Variants in TCF24 observed in about 807,000 individuals in gnomAD.
TCF24 encodes transcription factor 24.
Under a neutral mutation model 9.3 loss-of-function variants are expected in TCF24, and 5 were observed. That is an observed-to-expected ratio of 0.54 (90% CI 0.28 to 1.13). The LOEUF (loss-of-function observed/expected upper bound fraction) is 1.13. Ranked by LOEUF, TCF24 falls within the 50% of genes most tolerant of loss-of-function variation. The pLI, the probability that TCF24 is intolerant of heterozygous loss-of-function variation, is 0.09. For missense variants in TCF24, 220 were observed against 236.1 expected (o/e 0.93, Z 0.45); for synonymous variants, 110 against 115.8 (o/e 0.95, Z 0.32).
rs966389092 is a variant in TCF24 at position 66,961,459 on chromosome 8, G to C, written c.307C>G (p.Arg103Gly). 2.0e-6 allele frequency: 3 copies of C among 1,528,506 alleles called. No individual in the cohort carries two copies. The highest frequency in any genetic ancestry group is 4.0e-5 in the Admixed American group (2 of 50,600). 94.7% of individuals were successfully genotyped at this position (1,528,506 alleles called of 1,614,324 possible). A position where few individuals can be genotyped will look rare whatever the true frequency, so the allele number is the denominator to read the frequency against. Reference sequence around the variant, plus strand: ...GCCTCGGCGTCGTCCTGCAGGCTGCGGGTGAGATGCGCGATGTAGGTGGTG... The same window carrying C: ...GCCTCGGCGTCGTCCTGCAGGCTGCCGGTGAGATGCGCGATGTAGGTGGTG... ...LATTYIAHLT[R>G]SLQDDAEAPA... The change falls in exon 3 of 4, where the codon CGC (arginine) becomes GGC (glycine). Residue 103 changes from arginine (R) to glycine (G), a missense_variant. Transcript: ENST00000563496.
intron 3 of TCF24, among the ~76,000 whole-genome samples, chr8:66,957,111 C>CA (rs1165600722): frequency 0.21 from 3,240 of 15,634 alleles, 847 homozygotes; most frequent in Non-Finnish European, 0.31. Flanking sequence ...GACTCCGTCT[C>CA]AAAAAAAAAA....
intron 3 of TCF24, among the ~76,000 whole-genome samples, chr8:66,961,023 G>C (rs1024461471): frequency 2.2e-4 from 34 of 152,178 alleles, no homozygotes; most frequent in African/African-American, 8.2e-4. Context: ...CTCTCAGAGG[G>C]TCATACATAT....
rs1048809150 is a variant in TCF24 at position 66,961,508 on chromosome 8, G to A, written c.258C>T (p.Ser86=). 4.6e-6 allele frequency: 7 copies of A among 1,523,314 alleles called. No individual in the cohort carries two copies. The highest frequency in any genetic ancestry group is 1.4e-5 in the African/African-American group (1 of 70,732). 94.4% of individuals were successfully genotyped at this position (1,523,314 alleles called of 1,614,324 possible). ...TGGCCAGCAGCAGCACGTCCAGCTT[G>A]GACAGCTTGGTGTCGGGCGGCACGG... ...LPSVPPDTKL[S]KLDVLLLATT... is the part of the protein sequence containing the mutation. The change falls in exon 3 of 4, where the codon TCC becomes TCT. Residue 86 remains serine (S), a synonymous_variant. Transcript: ENST00000563496.
At chr8:66,960,118 C>T (rs1289393708) in intron 3 of TCF24, among the ~76,000 whole-genome samples, 1 of 152,038 alleles carries the variant, frequency 6.6e-6, no homozygotes, top group Non-Finnish European at 1.5e-5. Flanking sequence ...ATGGTATATT[C>T]GAATAGCAAT....
intron 3 of TCF24, among the ~76,000 whole-genome samples, chr8:66,952,677 C>G (rs1161971786): frequency 4.1e-5 from 6 of 147,856 alleles, no homozygotes; most frequent in African/African-American, 9.9e-5. Flanking sequence ...GTTGATCTGT[C>G]TAATGTTGAC....
chr8:66,953,330 T>G lies in TCF24; in HGVS notation c.391-5166A>C, dbSNP rs1269245662. On this transcript the variant is annotated intron_variant, in intron 3 of 3. Transcript: ENST00000563496. ...TCTCAGCATTTGCTTGTCTGTAAAG[T>G]ATTTTATTTCTCCTTCACTTATGAA... Among the ~76,000 whole-genome samples, 181 of 148,558 alleles carry G rather than the reference T, an allele frequency of 1.2e-3. 1 individual carries two copies. Among genetic ancestry groups the G allele is most frequent in the African/African-American group, 4.3e-3 (173 of 40,564 alleles).
chr8:66,946,789 A>C lies in TCF24; in HGVS notation c.*1262T>G, dbSNP rs1813970280. 6.6e-6 allele frequency: 1 copy of C among 152,248 alleles called. No homozygotes were observed. The highest frequency in any genetic ancestry group is 1.5e-5 in the Non-Finnish European group (1 of 68,026). The allele number at this position is 152,248 out of a possible 1,614,324, so 9.4% of individuals were successfully genotyped here. A position where few individuals can be genotyped will look rare whatever the true frequency, so the allele number is the denominator to read the frequency against. On this transcript the variant is annotated 3_prime_UTR_variant, in exon 4 of 4. Coordinates refer to ENST00000563496, the MANE Select transcript of TCF24 (RefSeq NM_001193502.2). ...AACTATTTAACAGGATGACTTAGAA[A>C]TCTAATTATTCAACACATAGTTTTT...
At position 66,962,004 on chromosome 8, in the gene TCF24, A is replaced by T; in HGVS notation, c.-134-17T>A. 5.6e-6 allele frequency: 1 copy of T among 179,530 alleles called. No homozygotes were observed. The highest frequency in any genetic ancestry group is 1.1e-5 in the Non-Finnish European group (1 of 88,408). The allele number at this position is 179,530 out of a possible 1,614,324, so 11.1% of individuals were successfully genotyped here. ...TTGGGCTTCCTAGAAGGATAAGAAG[A>T]GGCGCAGTGCCGGCTTTGCTTTTCA... is the stretch of plus-strand genomic sequence containing the variant. On this transcript the variant is annotated splice_polypyrimidine_tract_variant and intron_variant, in intron 1 of 3. Transcript: ENST00000563496.
intron 3 of TCF24, among the ~76,000 whole-genome samples, chr8:66,949,794 C>T (rs1348010395): frequency 6.7e-6 from 1 of 148,802 alleles, no homozygotes; most frequent in Non-Finnish European, 1.5e-5. Context: ...TAATGATTGC[C>T]ATTCTAACTG....
At chr8:66,953,866 C>G (rs918800901) in intron 3 of TCF24, among the ~76,000 whole-genome samples, 5 of 151,882 alleles carry the variant, frequency 3.3e-5, no homozygotes, top group Admixed American at 3.3e-4. Context: ...TTGCTGATAC[C>G]CTTTCTTCCA....
At chr8:66,949,283 T>G (rs1385168724) in intron 3 of TCF24, among the ~76,000 whole-genome samples, 3 of 146,988 alleles carry the variant, frequency 2.0e-5, no homozygotes, top group Non-Finnish European at 4.5e-5. Flanking sequence ...GTCCCCAGAG[T>G]GTGATATTCC....
rs1280140628 is a variant in TCF24 at position 66,961,489 on chromosome 8, G to GC, written c.276dup (p.Leu93AlafsTer67). ...AGATGCGCGATGTAGGTGGTGGCCA[G>GC]CAGCAGCACGTCCAGCTTGGACAGC... On this transcript the variant is annotated frameshift_variant, in exon 3 of 4. Transcript: ENST00000563496. LOFTEE classifies it high-confidence loss of function. 1.3e-6 allele frequency: 2 copies of GC among 1,527,158 alleles called. No homozygotes were observed. The highest frequency in any genetic ancestry group is 1.7e-6 in the Non-Finnish European group (2 of 1,143,606). The allele number at this position is 1,527,158 out of a possible 1,614,324, so 94.6% of individuals were successfully genotyped here. A position where few individuals can be genotyped will look rare whatever the true frequency, so the allele number is the denominator to read the frequency against.
At chr8:66,959,197 C>T (rs969825360) in intron 3 of TCF24, among the ~76,000 whole-genome samples, 8 of 152,170 alleles carry the variant, frequency 5.3e-5, no homozygotes, top group Admixed American at 5.2e-4. Context: ...TGGTAATGTG[C>T]TAACAATACT....
chr8:66,948,765 G>A (rs1024992565), intron 3 of TCF24, among the ~76,000 whole-genome samples: 6 of 151,812 alleles, frequency 4.0e-5, no homozygotes, highest in Admixed American at 3.3e-4. Context: ...GCACAATCTC[G>A]GTTCACTGCA....
rs1418269744 is a variant in TCF24 at position 66,948,089 on chromosome 8, T to A, written c.466A>T (p.Thr156Ser). The A allele has an allele frequency of 3.3e-6, 5 of 1,534,962 alleles. No individual in the cohort carries two copies. The South Asian group carries it at 6.0e-5, about 18-fold the overall frequency. The part of the protein sequence containing the change: ...FLKHSVSGEK[T>S]NHDNTPTDSQ... Reference sequence around the variant, plus strand: ...TCTGTTGGAGTGTTGTCATGATTTGTTTTTTCTCCAGAAACAGAATGCTTC... The same window carrying A: ...TCTGTTGGAGTGTTGTCATGATTTGATTTTTCTCCAGAAACAGAATGCTTC... The change falls in exon 4 of 4, where the codon ACA (threonine) becomes TCA (serine). Residue 156 changes from threonine to serine, a missense_variant. Thr to Ser is a moderately conservative substitution (Grantham distance 58). Transcript: ENST00000563496.
chr8:66,961,562 A>G lies in TCF24; in HGVS notation c.204T>C (p.Ala68=). The change falls in exon 3 of 4, where the codon GCT becomes GCC. Residue 68 remains alanine (A), a synonymous_variant. Transcript: ENST00000563496. ...GCAGCGTGCGCTGCAGCTCCAGGAAAGCGTGCCGCAGGGTCTGCACCCGGC... is the reference window on the plus strand; with the variant it reads ...GCAGCGTGCGCTGCAGCTCCAGGAAGGCGTGCCGCAGGGTCTGCACCCGGC... ...ERSRVQTLRH[A]FLELQRTLPS... is the part of the protein sequence containing the mutation. 6.7e-7 allele frequency: 1 copy of G among 1,496,722 alleles called. No individual in the cohort carries two copies. Among genetic ancestry groups the G allele is most frequent in the Non-Finnish European group, 8.8e-7 (1 of 1,130,264 alleles). 92.7% of individuals were successfully genotyped at this position (1,496,722 alleles called of 1,614,324 possible). A position where few individuals can be genotyped will look rare whatever the true frequency, so the allele number is the denominator to read the frequency against.
In TCF24 at chr8:66,946,951, G is replaced by C. The variant is rs910719839; in HGVS notation, c.*1100C>G. On this transcript the variant is annotated 3_prime_UTR_variant, in exon 4 of 4. Transcript: ENST00000563496. The stretch of plus-strand genomic sequence containing the variant: ...TTTGAGGTAACTTTGAAGAAGTTTT[G>C]ATTTCATTCCTTAGGATAAAGATTC... 1 of 152,078 alleles carries C rather than the reference G, an allele frequency of 6.6e-6. No individual in the cohort carries two copies. Among genetic ancestry groups the C allele is most frequent in the Non-Finnish European group, 1.5e-5 (1 of 68,018 alleles). The allele number at this position is 152,078 out of a possible 1,614,324, so 9.4% of individuals were successfully genotyped here. A position where few individuals can be genotyped will look rare whatever the true frequency, so the allele number is the denominator to read the frequency against.
chr8:66,955,521 T>C (rs577845343), intron 3 of TCF24, among the ~76,000 whole-genome samples: 7 of 152,284 alleles, frequency 4.6e-5, no homozygotes, highest in South Asian at 4.1e-4. Context: ...CATAGCACCA[T>C]AAAATGTTTT....
intron 3 of TCF24, among the ~76,000 whole-genome samples, chr8:66,960,112 T>C (rs1814228403): frequency 6.6e-6 from 1 of 152,178 alleles, no homozygotes. Context: ...ATATTAATGG[T>C]ATATTCGAAT....
Sources: allele counts gnomAD v4.1 joint callset (sites outside exome capture counted in the v4.1 genomes callset), GRCh38; gene constraint gnomAD v4.1.1; transcripts MANE v1.5; gene names NCBI Gene and HGNC (gene_info 2026-07-23, HGNC 2026-07-21).